EVI5: variants seen among roughly 807,000 people sequenced by gnomAD.
EVI5 encodes ecotropic viral integration site 5.
EVI5 carries 73 observed loss-of-function variants against 112.0 expected under a neutral mutation model. The ratio of observed to expected loss-of-function variants is 0.65; its 90% CI spans 0.54 to 0.79. The LOEUF is 0.79. Among genes scored for constraint, EVI5 ranks in the 30% least tolerant of loss-of-function variants. The probability of loss-of-function intolerance (pLI) is 0.00; values close to 1 mark genes in which losing one functional copy is unlikely to be tolerated. For missense variants in EVI5, 900 were observed against 968.8 expected, an observed-to-expected ratio of 0.93 and a Z score of 0.94; for synonymous variants, 305 against 319.9, an observed-to-expected ratio of 0.95 and a Z score of 0.50.
intron 1 of EVI5, among the ~76,000 whole-genome samples, chr1:92,776,107 CAAAAAAA>C (rs1011239382): frequency 1.2e-4 from 8 of 68,478 alleles, no homozygotes; most frequent in African/African-American, 4.1e-4. Context: ...GACTCCATCT[CAAAAAAA>C]AAAAAAAAAA....
rs559159909 is a variant in EVI5, at chr1:92,590,675, G to T, written c.2070+14632C>A. On this transcript the variant is annotated intron_variant, in intron 18 of 19. Transcript: ENST00000684568. ...AAGTGACGGGGAGAATGGAACCAAGGTGGAAAACACTCTGCAGGATACTAT... is the reference window on the plus strand; with the variant it reads ...AAGTGACGGGGAGAATGGAACCAAGTTGGAAAACACTCTGCAGGATACTAT... 7.6e-4 allele frequency among the ~76,000 whole-genome samples: 116 copies of T among 152,274 alleles called. 1 individual carries two copies. The highest frequency in any genetic ancestry group is 4.1e-3 in the South Asian group (20 of 4,824).
At chr1:92,628,121 T>G (rs537528942) in intron 14 of EVI5, among the ~76,000 whole-genome samples, 1 of 152,320 alleles carries the variant, frequency 6.6e-6, no homozygotes, top group African/African-American at 2.4e-5. Context: ...TGTTGGCCAT[T>G]TGTATATCTT....
At chr1:92,586,946 C>A (rs1218251251) in intron 18 of EVI5, among the ~76,000 whole-genome samples, 2 of 151,866 alleles carry the variant, frequency 1.3e-5, no homozygotes, top group East Asian at 3.9e-4. Context: ...TTAATAACAC[C>A]AAGTGAGCAT....
chr1:92,727,419 T>G (rs1320180463), intron 2 of EVI5, among the ~76,000 whole-genome samples: 2 of 152,138 alleles, frequency 1.3e-5, no homozygotes, highest in Non-Finnish European at 2.9e-5. Flanking sequence ...CCAATAAAAT[T>G]TAAGTAGAAA....
At chr1:92,698,953 A>G (rs1211887477) in intron 5 of EVI5, among the ~76,000 whole-genome samples, 1 of 152,192 alleles carries the variant, frequency 6.6e-6, no homozygotes, top group Non-Finnish European at 1.5e-5. Flanking sequence ...AACTATCCAA[A>G]TTGTTAAACC....
chr1:92,688,337 T>C (rs1209615231), intron 9 of EVI5, among the ~76,000 whole-genome samples: 1 of 151,782 alleles, frequency 6.6e-6, no homozygotes, highest in African/African-American at 2.4e-5. Context: ...GAACAAAACC[T>C]GTACGTTGTG....
intron 18 of EVI5, among the ~76,000 whole-genome samples, chr1:92,574,500 T>C (rs10874715): frequency 0.92 from 140,231 of 152,228 alleles, 64,679 homozygotes; most frequent in East Asian, 0.97. Context: ...TAACATGTTA[T>C]AGTGCAGCAA....
In EVI5 at chr1:92,704,663, T is replaced by G. The variant is rs1671703033; in HGVS notation, c.231A>C (p.Ser77=). 1 of 1,605,396 alleles carries G rather than the reference T, an allele frequency of 6.2e-7. No homozygotes were observed. The highest frequency in any genetic ancestry group is 8.5e-7 in the Non-Finnish European group (1 of 1,174,320). The change falls in exon 3 of 20, where the codon TCA becomes TCC. Residue 77 remains serine, a synonymous_variant. Transcript: ENST00000684568. ...RNSGSSLVSS[S]SASSNLSHLE... ...GGTGACTGAGGTTGCTAGAGGCTGA[T>G]GAACTCGACACAAGAGAAGAGCCAC...
intron 2 of EVI5, among the ~76,000 whole-genome samples, chr1:92,711,041 C>T (rs145439044): frequency 4.8e-4 from 73 of 152,036 alleles, no homozygotes; most frequent in Non-Finnish European, 7.1e-4. Context: ...ACAGACTTCA[C>T]GATGGCCATA....
At position 92,595,626 on chromosome 1, in the gene EVI5, C is replaced by T. The variant is rs142542458; in HGVS notation, c.2070+9681G>A. On this transcript the variant is annotated intron_variant, in intron 18 of 19. Transcript: ENST00000684568. Reference sequence around the variant, plus strand: ...AAGATCAAAGGAGGAGGGAGAAAAACATGGAGGAAAATGAGATGACAGATT... The same window carrying T: ...AAGATCAAAGGAGGAGGGAGAAAAATATGGAGGAAAATGAGATGACAGATT... Among the ~76,000 whole-genome samples, 1,379 of 152,174 alleles carry T rather than the reference C, an allele frequency of 9.1e-3. 8 individuals carry two copies. Among genetic ancestry groups the T allele is most frequent in the Middle Eastern group, 0.017 (5 of 294 alleles).
At chr1:92,767,464 C>T (rs1682811744) in intron 1 of EVI5, among the ~76,000 whole-genome samples, 1 of 152,068 alleles carries the variant, frequency 6.6e-6, no homozygotes, top group Admixed American at 6.6e-5. Flanking sequence ...GAATGTATCT[C>T]CCGAGGATAA....
rs1192324019 is a variant in EVI5 at position 92,607,723 on chromosome 1, T to C, written c.1832A>G (p.Gln611Arg). Residue 611 changes from glutamine to arginine, a missense_variant, in exon 17 of 20, where the codon CAG (glutamine) becomes CGG (arginine). Transcript: ENST00000684568. The part of the protein sequence containing the change: ...QRMMEMETQN[Q>R]INSNHLRRAE... ...TCTTCGAAGATGGTTACTATTGATCTGGTTCTAATAATCAGAAATATAAAT... is the reference window on the plus strand; with the variant it reads ...TCTTCGAAGATGGTTACTATTGATCCGGTTCTAATAATCAGAAATATAAAT... 1.3e-6 allele frequency: 2 copies of C among 1,586,542 alleles called. No homozygotes were observed. The highest frequency in any genetic ancestry group is 1.7e-6 in the Non-Finnish European group (2 of 1,169,978).
intron 1 of EVI5, among the ~76,000 whole-genome samples, chr1:92,775,096 G>A (rs1456550779): frequency 3.3e-5 from 5 of 152,114 alleles, no homozygotes; most frequent in African/African-American, 4.8e-5. Context: ...GTCATGCACC[G>A]CATAAGAACA....
intron 16 of EVI5, among the ~76,000 whole-genome samples, chr1:92,617,339 T>C (rs941878373): frequency 1.3e-5 from 2 of 152,174 alleles, no homozygotes; most frequent in Admixed American, 6.5e-5. Flanking sequence ...CAAAGAAGCA[T>C]GATTAGAAAA....
chr1:92,655,774 G>A (rs531852465), intron 13 of EVI5, among the ~76,000 whole-genome samples: 14 of 152,196 alleles, frequency 9.2e-5, no homozygotes, highest in East Asian at 3.9e-4. Context: ...ACGGGAAGAT[G>A]TAACAATCCT....
chr1:92,636,186 T>A lies in EVI5; in HGVS notation c.1527+16A>T. Reference sequence around the variant, plus strand: ...CCTCTAATTTGGGAATGACTGCATTTGTGTAGGTTTCTTACCTTCTCTATA... The same window carrying A: ...CCTCTAATTTGGGAATGACTGCATTAGTGTAGGTTTCTTACCTTCTCTATA... On this transcript the variant is annotated intron_variant, in intron 14 of 19. Transcript: ENST00000684568. The A allele has an allele frequency of 6.2e-7, 1 of 1,601,104 alleles. No homozygotes were observed. The highest frequency in any genetic ancestry group is 8.5e-7 in the Non-Finnish European group (1 of 1,173,440).
intron 1 of EVI5, among the ~76,000 whole-genome samples, chr1:92,739,764 C>G (rs1347785485): frequency 1.3e-5 from 2 of 151,568 alleles, no homozygotes; most frequent in Non-Finnish European, 2.9e-5. Context: ...GATTTTAGAT[C>G]AAAAAATCAT....
chr1:92,697,060 A>G (rs906610030), intron 6 of EVI5, among the ~76,000 whole-genome samples: 1 of 152,082 alleles, frequency 6.6e-6, no homozygotes, highest in African/African-American at 2.4e-5. Context: ...AAATGAATAA[A>G]TAAAAAATAA....
intron 9 of EVI5, among the ~76,000 whole-genome samples, chr1:92,683,859 G>A (rs1240899557): frequency 2.6e-5 from 4 of 152,116 alleles, no homozygotes; most frequent in Non-Finnish European, 4.4e-5. Context: ...GAAAAAAAGA[G>A]TGAAAAGAAA....
Sources: allele counts gnomAD v4.1 joint callset (sites outside exome capture counted in the v4.1 genomes callset), GRCh38; gene constraint gnomAD v4.1.1; transcripts MANE v1.5; gene names NCBI Gene and HGNC (gene_info 2026-07-23, HGNC 2026-07-21).